The following GALNT17 variants were observed in gnomAD, a reference collection of about 807,000 sequenced individuals.
GALNT17 encodes UDP-GalNAc:polypeptide N-acetylgalactosaminyltransferase-like 3.
In GALNT17, 29 loss-of-function variants were observed where a neutral mutation model predicts 63.7. That is an observed-to-expected ratio of 0.46 (90% confidence interval 0.34 to 0.62). The LOEUF (loss-of-function observed/expected upper bound fraction) is 0.62. GALNT17 is among the 20% of genes least tolerant of loss of function. GALNT17 has a pLI of 0.01. For synonymous variants in GALNT17, 305 were observed against 318.3 expected (o/e 0.96, Z 0.45); for missense variants, 603 against 799.6 (o/e 0.75, Z 2.97).
intron 1 of GALNT17, among the ~76,000 whole-genome samples, chr7:71,159,520 A>G (rs996350711): frequency 2.7e-5 from 4 of 150,768 alleles, no homozygotes; most frequent in African/African-American, 9.9e-5. Context: ...CTCACTCACA[A>G]TGTCATCAAT....
intron 5 of GALNT17, among the ~76,000 whole-genome samples, chr7:71,543,804 T>TTC (rs1443448169): frequency 6.6e-6 from 1 of 151,660 alleles, no homozygotes; most frequent in Non-Finnish European, 1.5e-5. Context: ...TTCTTTCTTT[T>TTC]TTTTTTGAGA....
intron 5 of GALNT17, among the ~76,000 whole-genome samples, chr7:71,542,286 T>A (rs1389914444): frequency 4.6e-5 from 7 of 152,070 alleles, no homozygotes; most frequent in African/African-American, 7.2e-5. Flanking sequence ...TAAATATACT[T>A]GTGTAATAAA....
chr7:71,562,639 G>A (rs931365583), intron 5 of GALNT17, among the ~76,000 whole-genome samples: 6 of 151,686 alleles, frequency 4.0e-5, no homozygotes, highest in African/African-American at 1.2e-4. Flanking sequence ...GAGCTCAGGC[G>A]GTAATGCGAG....
chr7:71,208,218 T>C (rs1789310021), intron 1 of GALNT17, among the ~76,000 whole-genome samples: 1 of 152,134 alleles, frequency 6.6e-6, no homozygotes, highest in Non-Finnish European at 1.5e-5. Context: ...ATTACAGTCA[T>C]GAGCCAGCAC....
At chr7:71,238,747 A>G (rs1789940881) in intron 1 of GALNT17, among the ~76,000 whole-genome samples, 1 of 152,194 alleles carries the variant, frequency 6.6e-6, no homozygotes, top group Non-Finnish European at 1.5e-5. Flanking sequence ...GGGGGTCTCC[A>G]GCATTTATAC....
chr7:71,133,051 A>T lies in GALNT17; in HGVS notation c.238+11A>T. The T allele has an allele frequency of 6.5e-7, 1 of 1,537,948 alleles. No individual in the cohort carries two copies. The highest frequency in any genetic ancestry group is 8.7e-7 in the Non-Finnish European group (1 of 1,145,840). ...ACCGGCAGCTGAATGGTAAGGACGC[A>T]CGCCGGCGCCTCCGGGGCTCGACGC... is the stretch of plus-strand genomic sequence containing the variant. On this transcript the variant is annotated intron_variant, in intron 1 of 10. Coordinates refer to ENST00000333538, the MANE Select transcript of GALNT17 (RefSeq NM_022479.3).
intron 1 of GALNT17, among the ~76,000 whole-genome samples, chr7:71,184,195 C>T (rs1014961089): frequency 1.4e-4 from 22 of 152,142 alleles, no homozygotes; most frequent in African/African-American, 5.3e-4. Context: ...AAATCAACCC[C>T]GCTGACACCT....
intron 2 of GALNT17, among the ~76,000 whole-genome samples, chr7:71,341,468 G>GA (rs1055856798): frequency 6.6e-6 from 1 of 151,418 alleles, no homozygotes; most frequent in East Asian, 1.9e-4. Flanking sequence ...TTCATGAAAA[G>GA]AAAAAAAACT....
chr7:71,555,273 G>A (rs980325088), intron 5 of GALNT17, among the ~76,000 whole-genome samples: 5 of 147,968 alleles, frequency 3.4e-5, no homozygotes, highest in African/African-American at 1.3e-4. Context: ...CAGTCTTTTG[G>A]GGCACTGGAA....
intron 6 of GALNT17, among the ~76,000 whole-genome samples, chr7:71,650,968 T>A (rs1389590177): frequency 6.6e-6 from 1 of 152,164 alleles, no homozygotes; most frequent in Non-Finnish European, 1.5e-5. Flanking sequence ...AACATGTAGA[T>A]AGCACTGGAT....
rs1015243809 is a variant in GALNT17, at chr7:71,377,170, T to C, written c.423-11065T>C. On this transcript the variant is annotated intron_variant, in intron 2 of 10. Transcript: ENST00000333538. ...TCTCCTTCTGATGATAAAGGGTTAGTTTGTTTGCCCATGACAGGCCCTCCT... is the reference window on the plus strand; with the variant it reads ...TCTCCTTCTGATGATAAAGGGTTAGCTTGTTTGCCCATGACAGGCCCTCCT... Among the ~76,000 whole-genome samples the C allele has an allele frequency of 2.1e-5, 3 of 142,346 alleles. No homozygotes were observed. The Admixed American group carries it at 2.2e-4, about 10-fold the overall frequency. 93.4% of individuals were successfully genotyped at this position (142,346 alleles called of 152,430 possible). A position where few individuals can be genotyped will look rare whatever the true frequency, so the allele number is the denominator to read the frequency against.
chr7:71,380,164 C>CT (rs1792818001), intron 2 of GALNT17, among the ~76,000 whole-genome samples: 1 of 151,998 alleles, frequency 6.6e-6, no homozygotes. Context: ...TCACTGGAAA[C>CT]TTTAACAAGA....
At chr7:71,199,187 G>A (rs1428877232) in intron 1 of GALNT17, among the ~76,000 whole-genome samples, 1 of 152,164 alleles carries the variant, frequency 6.6e-6, no homozygotes, top group Non-Finnish European at 1.5e-5. Context: ...GGTGGCTAAA[G>A]CTGAATTTAC....
intron 9 of GALNT17, among the ~76,000 whole-genome samples, chr7:71,686,864 C>T (rs539210698): frequency 3.4e-4 from 52 of 152,220 alleles, no homozygotes; most frequent in African/African-American, 1.2e-3. Flanking sequence ...ATACCATGGA[C>T]GAGGTGTGAC....
At chr7:71,487,662 C>T (rs1384674019) in intron 5 of GALNT17, among the ~76,000 whole-genome samples, 2 of 152,098 alleles carry the variant, frequency 1.3e-5, no homozygotes, top group Non-Finnish European at 2.9e-5. Context: ...CCTGCAGTCT[C>T]AGCTACTCAG....
chr7:71,141,015 A>G (rs1260674823), intron 1 of GALNT17, among the ~76,000 whole-genome samples: 1 of 100,980 alleles, frequency 9.9e-6, no homozygotes, highest in Non-Finnish European at 1.9e-5. Flanking sequence ...ACAGAGCAAG[A>G]CCCAAACTCT....
intron 1 of GALNT17, among the ~76,000 whole-genome samples, chr7:71,201,673 C>A (rs1393299424): frequency 6.6e-6 from 1 of 151,188 alleles, no homozygotes; most frequent in Non-Finnish European, 1.5e-5. Flanking sequence ...GCTCTGTCAC[C>A]AGGCTGGAGT....
chr7:71,450,930 TC>T (rs1787251006), intron 5 of GALNT17, among the ~76,000 whole-genome samples: 2 of 32,852 alleles, frequency 6.1e-5, no homozygotes, highest in South Asian at 7.1e-4. Flanking sequence ...TTTTTTTTAT[TC>T]TTTTTTTTTT....
intron 2 of GALNT17, among the ~76,000 whole-genome samples, chr7:71,342,170 T>C (rs1275262813): frequency 6.6e-6 from 1 of 152,136 alleles, no homozygotes; most frequent in Non-Finnish European, 1.5e-5. Context: ...TTCTGCAGCC[T>C]CTCCAGGAAG....
Sources: gnomAD v4.1 joint callset for allele counts (sites outside exome capture counted in the v4.1 genomes callset) on GRCh38, gnomAD v4.1.1 for gene constraint, MANE v1.5 for transcripts, NCBI Gene and HGNC (gene_info 2026-07-23, HGNC 2026-07-21) for gene names.